WFS1: variants seen among roughly 807,000 people sequenced by gnomAD.
WFS1 encodes wolframin ER transmembrane glycoprotein.
Under a neutral mutation model 68.5 loss-of-function variants are expected in WFS1, and 90 were observed. That is an observed-to-expected ratio of 1.31 (90% CI 1.11 to 1.56). The LOEUF (loss-of-function observed/expected upper bound fraction) is 1.56, where lower values mean the gene tolerates loss of function less well. WFS1 is among the 40% of genes most tolerant of loss of function. The pLI is 0.00. For missense variants in WFS1, 1,767 were observed against 1,232.6 expected (o/e 1.43, Z -6.49); for synonymous variants, 860 against 540.7 (o/e 1.59, Z -8.19).
At chr4:6,297,617 TC>T (rs1730672025) in intron 7 of WFS1, among the ~76,000 whole-genome samples, 1 of 152,128 alleles carries the variant, frequency 6.6e-6, no homozygotes. Context: ...TCTTCACGGG[TC>T]CGCTGGGCCA....
chr4:6,302,705 A>C lies in WFS1; in HGVS notation c.*237A>C, dbSNP rs1235657809. ...GGAATTGCATGCCATCTCCACCCTG[A>C]GCCTGACCTTTCTGAGTGACATGGG... On this transcript the variant is annotated 3_prime_UTR_variant, in exon 8 of 8. Transcript: ENST00000226760. 13 of 633,208 alleles carry C rather than the reference A, an allele frequency of 2.1e-5. No individual in the cohort carries two copies. The highest frequency in any genetic ancestry group is 3.2e-5 in the Non-Finnish European group (12 of 370,924). The allele number at this position is 633,208 out of a possible 1,614,324, so 39.2% of individuals were successfully genotyped here. A position where few individuals can be genotyped will look rare whatever the true frequency, so the allele number is the denominator to read the frequency against.
rs997180488 is a variant in WFS1 at position 6,287,201 on chromosome 4, C to G, written c.315+26C>G. The stretch of plus-strand genomic sequence containing the variant: ...GTGAGGACTGCGGTGCCGGCAGGGA[C>G]TTCGGGACGCGGCCCCCGGCACAAC... On this transcript the variant is annotated intron_variant, in intron 3 of 7. Coordinates refer to ENST00000226760, the MANE Select transcript of WFS1 (RefSeq NM_006005.3). The surrounding 1 kb of genome is among the most constrained non-coding windows in gnomAD (Gnocchi z 6.4). 3 of 1,546,410 alleles carry G rather than the reference C, an allele frequency of 1.9e-6. No homozygotes were observed. The highest frequency in any genetic ancestry group is 4.0e-4 in the Middle Eastern group (2 of 5,052).
intron 2 of WFS1, among the ~76,000 whole-genome samples, chr4:6,286,249 C>G (rs771708511): frequency 6.6e-6 from 1 of 152,190 alleles, no homozygotes; most frequent in Non-Finnish European, 1.5e-5. Context: ...TCTTCACCCC[C>G]AGTCCCATGG....
intron 6 of WFS1, chr4:6,294,773 A>T: frequency 2.0e-6 from 1 of 492,540 alleles, no homozygotes; most frequent in South Asian, 2.0e-5. Context: ...GGAGCTAGGC[A>T]GAGAGGGACA....
chr4:6,279,035 G>C (rs912860078), intron 2 of WFS1, among the ~76,000 whole-genome samples: 6 of 152,338 alleles, frequency 3.9e-5, no homozygotes, highest in Non-Finnish European at 7.3e-5. Context: ...CAAGCCCTGG[G>C]CGCCGCCTGA....
Position 6,287,252 on chromosome 4 carries a change from C to A in WFS1, c.315+77C>A. On this transcript the variant is annotated intron_variant, in intron 3 of 7. Coordinates refer to ENST00000226760, the MANE Select transcript of WFS1 (RefSeq NM_006005.3). This position sits in a 1 kb window ranked among gnomAD's most constrained non-coding sequence, Gnocchi z 6.4. The stretch of plus-strand genomic sequence containing the variant: ...AGGCCTGGCCACGAGCTCCACAGCC[C>A]ACAGAGAAGTGTCGGTGCCTGAGAT... 1 of 1,315,068 alleles carries A rather than the reference C, an allele frequency of 7.6e-7. No homozygotes were observed. The highest frequency in any genetic ancestry group is 1.1e-6 in the Non-Finnish European group (1 of 934,764). 81.5% of individuals were successfully genotyped at this position (1,315,068 alleles called of 1,614,324 possible).
At position 6,287,017 on chromosome 4, in the gene WFS1, T is replaced by G; in HGVS notation, c.233-76T>G. 7.6e-7 allele frequency: 1 copy of G among 1,324,054 alleles called. No homozygotes were observed. Among genetic ancestry groups the G allele is most frequent in the Middle Eastern group, 1.8e-4 (1 of 5,540 alleles). The allele number at this position is 1,324,054 out of a possible 1,614,324, so 82.0% of individuals were successfully genotyped here. Reference sequence around the variant, plus strand: ...GCAGCAGCAGATCTGAAGACCCTCATGCCTTGTCCCCTCCATCCTGACAAG... The same window carrying G: ...GCAGCAGCAGATCTGAAGACCCTCAGGCCTTGTCCCCTCCATCCTGACAAG... On this transcript the variant is annotated intron_variant, in intron 2 of 7. Transcript: ENST00000226760. The surrounding 1 kb of genome is among the most constrained non-coding windows in gnomAD (Gnocchi z 6.4).
At chr4:6,285,332 C>G (rs1278434893) in intron 2 of WFS1, among the ~76,000 whole-genome samples, 1 of 146,896 alleles carries the variant, frequency 6.8e-6, no homozygotes, top group Non-Finnish European at 1.5e-5. Context: ...AGGGAGGTGG[C>G]CTGTCAGGGA....
chr4:6,277,341 G>A (rs1730023929), intron 1 of WFS1, 110 bp from the exon 2 acceptor site: 4 of 1,032,248 alleles, frequency 3.9e-6, no homozygotes, highest in African/African-American at 3.2e-5. Flanking sequence ...TGTATGGAGT[G>A]TCTGGCAGCT....
At chr4:6,298,576 A>G (rs1730714158) in intron 7 of WFS1, among the ~76,000 whole-genome samples, 1 of 151,836 alleles carries the variant, frequency 6.6e-6, no homozygotes, top group African/African-American at 2.4e-5. Flanking sequence ...GCATGCACAC[A>G]CTCCTAAACA....
rs367556139 is a variant in WFS1, at chr4:6,270,584, C to T, written c.-6+570C>T. ...GCGCTGTGGCAGTTCCTCTCTCTCT[C>T]GGGGCCCCTCAGTAGAGAGTTGAGG... On this transcript the variant is annotated intron_variant, in intron 1 of 7. Transcript: ENST00000226760. Among the ~76,000 whole-genome samples the T allele has an allele frequency of 1.2e-3, 180 of 152,310 alleles. 6 individuals are homozygous for T. In the South Asian group the frequency reaches 0.035, roughly 30 times the overall value.
chr4:6,270,358 C>G (rs1560397566), intron 1 of WFS1, among the ~76,000 whole-genome samples: 2 of 150,044 alleles, frequency 1.3e-5, no homozygotes, highest in Non-Finnish European at 3.0e-5. Context: ...CCCGCGCCAT[C>G]CCCCCCGAGT....
chr4:6,296,259 T>G (rs966427298), intron 7 of WFS1, among the ~76,000 whole-genome samples: 3 of 152,136 alleles, frequency 2.0e-5, no homozygotes, highest in Non-Finnish European at 4.4e-5. Flanking sequence ...AGGAGCAGCT[T>G]CAGCCCAAAG....
rs534202374 is a variant in WFS1, at chr4:6,283,982, G to T, written c.233-3111G>T. On this transcript the variant is annotated intron_variant, in intron 2 of 7. Transcript: ENST00000226760. The surrounding 1 kb of genome is among the most constrained non-coding windows in gnomAD (Gnocchi z 5.0). The stretch of plus-strand genomic sequence containing the variant: ...GGGATTTGCCTTTGAGCCCACGAAG[G>T]CTCCTACTTCATGGACTGAGCTAAC... 6.6e-6 allele frequency among the ~76,000 whole-genome samples: 1 copy of T among 152,258 alleles called. No individual in the cohort carries two copies. Among genetic ancestry groups the T allele is most frequent in the African/African-American group, 2.4e-5 (1 of 41,532 alleles).
chr4:6,302,545 A>T lies in WFS1; in HGVS notation c.*77A>T. 6.3e-7 allele frequency: 1 copy of T among 1,594,660 alleles called. No homozygotes were observed. The highest frequency in any genetic ancestry group is 8.5e-7 in the Non-Finnish European group (1 of 1,173,948). ...CCAGTGTGGCCCCAGCCCGACAGGC[A>T]TGCACCAGTGCCGCCTGTGCCCACG... On this transcript the variant is annotated 3_prime_UTR_variant, in exon 8 of 8. Transcript: ENST00000226760.
Position 6,302,797 on chromosome 4 carries a change from T to G in WFS1, c.*329T>G, listed in dbSNP as rs1193723784. 1 of 437,830 alleles carries G rather than the reference T, an allele frequency of 2.3e-6. No homozygotes were observed. The highest frequency in any genetic ancestry group is 4.1e-6 in the Non-Finnish European group (1 of 243,648). The allele number at this position is 437,830 out of a possible 1,614,324, so 27.1% of individuals were successfully genotyped here. A position where few individuals can be genotyped will look rare whatever the true frequency, so the allele number is the denominator to read the frequency against. On this transcript the variant is annotated 3_prime_UTR_variant, in exon 8 of 8. Transcript: ENST00000226760. ...ACTTTACAGATGAGATTCCCTCTCC[T>G]CCCCCACCTTCAAGCACCCTGTTCC...
At chr4:6,277,389 CACTA>C (rs1297956755) in intron 1 of WFS1, 58 bp from the exon 2 acceptor site, 2 of 1,472,764 alleles carry the variant, frequency 1.4e-6, no homozygotes, top group Non-Finnish European at 1.9e-6. Flanking sequence ...CTCCAGCAGA[CACTA>C]AGTGCCAGAG....
chr4:6,290,915 TGAGA>T (rs1263001677), intron 4 of WFS1, among the ~76,000 whole-genome samples: 9 of 152,182 alleles, frequency 5.9e-5, no homozygotes, highest in African/African-American at 1.7e-4. Context: ...TCTGCACCTC[TGAGA>T]GAGGGGAGGA....
chr4:6,301,658 G>C lies in WFS1; in HGVS notation c.1863G>C (p.Val621=), dbSNP rs779337227. 5.0e-6 allele frequency: 8 copies of C among 1,613,940 alleles called. No individual in the cohort carries two copies. The African/African-American group carries it at 8.0e-5, about 16-fold the overall frequency. Reference sequence around the variant, plus strand: ...GGACCAAGGCCAGCTTCTCTGTGGTGGGGATGGTGAAGTCCCTGACGCGGA... The same window carrying C: ...GGACCAAGGCCAGCTTCTCTGTGGTCGGGATGGTGAAGTCCCTGACGCGGA... ...RWWTKASFSV[V]GMVKSLTRSS... The change falls in exon 8 of 8, where the codon GTG becomes GTC. Residue 621 remains valine, a synonymous_variant. Transcript: ENST00000226760.
Sources: allele counts gnomAD v4.1 joint callset (sites outside exome capture counted in the v4.1 genomes callset), GRCh38; gene constraint gnomAD v4.1.1; non-coding constraint Gnocchi (gnomAD v3.1); transcripts MANE v1.5; gene names NCBI Gene and HGNC (gene_info 2026-07-23, HGNC 2026-07-21).